The following CTNNA1 variants were observed in gnomAD, a reference collection of about 807,000 sequenced individuals.
CTNNA1 encodes the protein catenin alpha 1, also known as catenin alpha-1.
In CTNNA1, 37 loss-of-function variants were observed where a neutral mutation model predicts 98.4. The observed-to-expected ratio is 0.38, with a 90% CI of 0.29 to 0.49. The LOEUF is 0.49. Ranked by LOEUF, CTNNA1 falls within the 20% of genes least tolerant of loss-of-function variation. CTNNA1 has a pLI of 0.95. For synonymous variants in CTNNA1, 404 were observed against 413.2 expected (o/e 0.98, Z 0.27); for missense variants, 761 against 1,147.2 (o/e 0.66, Z 4.86).
intron 9 of CTNNA1, among the ~76,000 whole-genome samples, chr5:138,895,657 A>G (rs1181256938): frequency 1.3e-5 from 2 of 152,092 alleles, no homozygotes; most frequent in African/African-American, 4.8e-5. Flanking sequence ...CATTAGGAAT[A>G]TAGTAGTGAA....
chr5:138,850,985 A>G (rs909380187), intron 7 of CTNNA1, among the ~76,000 whole-genome samples: 17 of 152,244 alleles, frequency 1.1e-4, no homozygotes, highest in African/African-American at 4.1e-4. Flanking sequence ...AGCAGTGGTA[A>G]AAACTGGCAT....
chr5:138,764,104 G>C (rs1043632498), intron 1 of CTNNA1, among the ~76,000 whole-genome samples: 1 of 152,230 alleles, frequency 6.6e-6, no homozygotes, highest in African/African-American at 2.4e-5. Flanking sequence ...AGAATTGCTT[G>C]AACCCGGGAG....
chr5:138,765,947 C>CAAAAAA (rs1026779147), intron 1 of CTNNA1, among the ~76,000 whole-genome samples: 11 of 48,478 alleles, frequency 2.3e-4, no homozygotes, highest in African/African-American at 7.3e-4. Flanking sequence ...GACTCTGTCT[C>CAAAAAA]AAAAAAAAAA....
chr5:138,934,206 A>C lies in CTNNA1; in HGVS notation c.*117A>C. 1 of 726,622 alleles carries C rather than the reference A, an allele frequency of 1.4e-6. No individual in the cohort carries two copies. Among genetic ancestry groups the C allele is most frequent in the Non-Finnish European group, 2.2e-6 (1 of 447,806 alleles). The allele number at this position is 726,622 out of a possible 1,614,324, so 45.0% of individuals were successfully genotyped here. ...TACTAGATTCCACAGGGAAATGGGC[A>C]GACTGAACCAGTCCAGGTGGTGAAT... On this transcript the variant is annotated 3_prime_UTR_variant, in exon 18 of 18. Transcript: ENST00000302763.
At chr5:138,817,709 T>A (rs1759575413) in intron 5 of CTNNA1, among the ~76,000 whole-genome samples, 1 of 152,176 alleles carries the variant, frequency 6.6e-6, no homozygotes, top group African/African-American at 2.4e-5. Flanking sequence ...AAACTTTCTA[T>A]TGTATTTTTT....
chr5:138,858,128 ATTT>A (rs71858446), intron 7 of CTNNA1, among the ~76,000 whole-genome samples: 5 of 141,596 alleles, frequency 3.5e-5, no homozygotes, highest in Non-Finnish European at 3.1e-5. Flanking sequence ...GTTAAAAAAA[ATTT>A]TTTTTTTTTT....
chr5:138,827,304 A>G (rs1760822094), intron 6 of CTNNA1, among the ~76,000 whole-genome samples: 2 of 152,222 alleles, frequency 1.3e-5, no homozygotes, highest in African/African-American at 4.8e-5. Context: ...TTGTTTGGCT[A>G]CATAGCATTA....
intron 1 of CTNNA1, among the ~76,000 whole-genome samples, chr5:138,774,935 T>C (rs1753941184): frequency 6.6e-6 from 1 of 152,186 alleles, no homozygotes; most frequent in African/African-American, 2.4e-5. Flanking sequence ...AGTTAAGAAG[T>C]AAGTGAAATT....
chr5:138,802,993 G>C (rs1561540857), intron 3 of CTNNA1, among the ~76,000 whole-genome samples: 1 of 151,708 alleles, frequency 6.6e-6, no homozygotes, highest in Non-Finnish European at 1.5e-5. Flanking sequence ...ATAGAGACAG[G>C]TTCTCACTAT....
At chr5:138,769,002 A>G (rs1753238155) in intron 1 of CTNNA1, among the ~76,000 whole-genome samples, 1 of 152,144 alleles carries the variant, frequency 6.6e-6, no homozygotes, top group South Asian at 2.1e-4. Context: ...TGAATAGGTC[A>G]TCCAGGATAT....
intron 7 of CTNNA1, among the ~76,000 whole-genome samples, chr5:138,856,942 T>C (rs1763781439): frequency 6.6e-6 from 1 of 152,198 alleles, no homozygotes; most frequent in Non-Finnish European, 1.5e-5. Context: ...CACTTGAAAG[T>C]TGTCATGGGA....
chr5:138,827,727 G>T lies in CTNNA1; in HGVS notation c.1062+9G>T. On this transcript the variant is annotated intron_variant, in intron 7 of 17. Transcript: ENST00000302763. ...CGGAGTACATGGGCAATGTGAGTTT[G>T]ACAGCTTTTCTTTGAAGTAAGATAT... 1 of 1,613,760 alleles carries T rather than the reference G, an allele frequency of 6.2e-7. No homozygotes were observed. The highest frequency in any genetic ancestry group is 1.1e-5 in the South Asian group (1 of 91,044).
intron 3 of CTNNA1, among the ~76,000 whole-genome samples, chr5:138,799,940 A>G (rs760356048): frequency 2.0e-5 from 3 of 152,018 alleles, no homozygotes; most frequent in Non-Finnish European, 2.9e-5. Context: ...TCTGTCGCCC[A>G]GTCTGGAGTG....
At chr5:138,890,088 A>G (rs559672922) in intron 9 of CTNNA1, among the ~76,000 whole-genome samples, 21 of 152,326 alleles carry the variant, frequency 1.4e-4, no homozygotes, top group Admixed American at 1.2e-3. Flanking sequence ...TTAAATGTCT[A>G]CAGGCCAACT....
chr5:138,838,311 C>T (rs1761981625), intron 7 of CTNNA1, among the ~76,000 whole-genome samples: 1 of 152,208 alleles, frequency 6.6e-6, no homozygotes, highest in Non-Finnish European at 1.5e-5. Context: ...TTGTGGCTTT[C>T]AATGAATTAG....
At chr5:138,868,293 C>T (rs1764992694) in intron 7 of CTNNA1, among the ~76,000 whole-genome samples, 2 of 152,082 alleles carry the variant, frequency 1.3e-5, no homozygotes, top group South Asian at 2.1e-4. Flanking sequence ...GGGTTGGCAC[C>T]CCTAACCCCA....
At position 138,825,491 on chromosome 5, in the gene CTNNA1, T is replaced by TTTTTTTGTTTTTG. The variant is rs1327779438; in HGVS notation, c.858+698_858+699insGTTTTTGTTTTTT. 2.9e-4 allele frequency among the ~76,000 whole-genome samples: 32 copies of TTTTTTTGTTTTTG among 110,096 alleles called. 1 individual carries two copies. The highest frequency in any genetic ancestry group is 4.5e-4 in the Non-Finnish European group (25 of 55,038). The allele number at this position is 110,096 out of a possible 152,430, so 72.2% of individuals were successfully genotyped here. A position where few individuals can be genotyped will look rare whatever the true frequency, so the allele number is the denominator to read the frequency against. On this transcript the variant is annotated intron_variant, in intron 6 of 17. Transcript: ENST00000302763. ...GATGGCAGCAGTATAAGTTTTTTTT[T>TTTTTTTGTTTTTG]TTTTTTTAGGGCTTTAAAAGTAACT...
intron 11 of CTNNA1, among the ~76,000 whole-genome samples, chr5:138,921,313 C>T (rs1460873573): frequency 6.6e-6 from 1 of 152,090 alleles, no homozygotes; most frequent in African/African-American, 2.4e-5. Context: ...TTTGAAGATG[C>T]AAGTGGTTGC....
rs562041100 is a variant in CTNNA1 at position 138,925,425 on chromosome 5, A to G, written c.1899+18A>G. 2.9e-4 allele frequency: 462 copies of G among 1,611,662 alleles called. 4 individuals carry two copies. In the South Asian group the frequency reaches 4.9e-3, roughly 17 times the overall value. ...TGATAAGGGTGAGTAACTGCATTTCAGACGTCTTAACAGCTTCTTTCTTAT... is the reference window on the plus strand; with the variant it reads ...TGATAAGGGTGAGTAACTGCATTTCGGACGTCTTAACAGCTTCTTTCTTAT... On this transcript the variant is annotated intron_variant, in intron 13 of 17. Coordinates refer to ENST00000302763, the MANE Select transcript of CTNNA1 (RefSeq NM_001903.5).
Sources: allele counts gnomAD v4.1 joint callset (sites outside exome capture counted in the v4.1 genomes callset), GRCh38; gene constraint gnomAD v4.1.1; transcripts MANE v1.5; gene names NCBI Gene and HGNC (gene_info 2026-07-23, HGNC 2026-07-21).